The following TENM3 variants were observed in gnomAD, a reference collection of about 807,000 sequenced individuals.
The protein encoded by TENM3 is teneurin transmembrane protein 3.
Under a neutral mutation model 255.1 loss-of-function variants are expected in TENM3, and 63 were observed. The observed-to-expected ratio is 0.25, with a 90% confidence interval of 0.20 to 0.30. TENM3 has a LOEUF of 0.30. Ranked by LOEUF, TENM3 falls within the 10% of genes least tolerant of loss-of-function variation. TENM3 has a pLI of 1.00. For synonymous variants in TENM3, 1,306 were observed against 1,322.3 expected (o/e 0.99, Z 0.27); for missense variants, 2,929 against 3,461.1 (o/e 0.85, Z 3.86).
At chr4:182,356,522 G>A (rs1765542035) in intron 3 of TENM3, among the ~76,000 whole-genome samples, 2 of 151,910 alleles carry the variant, frequency 1.3e-5, no homozygotes, top group Admixed American at 6.6e-5. Context: ...TTGCATAATT[G>A]GAGGACATTT....
chr4:182,153,908 A>G (rs761019008), intron 1 of TENM3, among the ~76,000 whole-genome samples: 14 of 152,302 alleles, frequency 9.2e-5, no homozygotes, highest in Middle Eastern at 3.4e-3. Context: ...AAAAGCCTCT[A>G]TAATTCACTT....
At chr4:182,165,724 T>C (rs1199657611) in intron 1 of TENM3, among the ~76,000 whole-genome samples, 2 of 152,218 alleles carry the variant, frequency 1.3e-5, no homozygotes, top group African/African-American at 4.8e-5. Flanking sequence ...AAATGCACAC[T>C]GAGTGACTCC....
At chr4:181,802,364 A>G in the TENM3 span, among the ~76,000 whole-genome samples, 20 of 152,314 alleles carry the variant, frequency 1.3e-4, no homozygotes, top group African/African-American at 4.6e-4. Flanking sequence ...TTTTCACTCA[A>G]TGGAATCCGC....
chr4:181,909,337 G>A, the TENM3 span, among the ~76,000 whole-genome samples: 1 of 152,086 alleles, frequency 6.6e-6, no homozygotes, highest in Non-Finnish European at 1.5e-5. Flanking sequence ...GGTATTGTGG[G>A]GACTAAATCA....
At chr4:182,711,689 T>G (rs1758756210) in intron 12 of TENM3, 1 of 452,884 alleles carries the variant, frequency 2.2e-6, no homozygotes, top group Non-Finnish European at 2.9e-6. Flanking sequence ...GACTTTTCCA[T>G]GCATATTTTT....
the TENM3 span, among the ~76,000 whole-genome samples, chr4:181,620,807 T>C: frequency 6.6e-6 from 1 of 152,176 alleles, no homozygotes; most frequent in African/African-American, 2.4e-5. Flanking sequence ...GCCTGGGACA[T>C]GTGATTTCTG....
chr4:181,885,900 T>C, the TENM3 span, among the ~76,000 whole-genome samples: 6 of 152,166 alleles, frequency 3.9e-5, no homozygotes, highest in African/African-American at 1.2e-4. Context: ...TAGTTAATCT[T>C]CTGAATATGG....
At chr4:182,551,191 A>C (rs1204579675) in intron 3 of TENM3, among the ~76,000 whole-genome samples, 1 of 148,540 alleles carries the variant, frequency 6.7e-6, no homozygotes, top group East Asian at 2.0e-4. Flanking sequence ...CACTGACTCC[A>C]GCCTGGGCGA....
chr4:181,685,279 A>G, the TENM3 span, among the ~76,000 whole-genome samples: 2 of 152,116 alleles, frequency 1.3e-5, no homozygotes, highest in African/African-American at 2.4e-5. Flanking sequence ...TATCCCATTA[A>G]CTGTACATTT....
At chr4:182,453,959 C>T (rs1773681420) in intron 3 of TENM3, among the ~76,000 whole-genome samples, 1 of 152,140 alleles carries the variant, frequency 6.6e-6, no homozygotes, top group Non-Finnish European at 1.5e-5. Context: ...CCTGGCTGAG[C>T]TCTTAAAAGT....
At chr4:181,515,149 T>C in the TENM3 span, among the ~76,000 whole-genome samples, 2 of 152,240 alleles carry the variant, frequency 1.3e-5, no homozygotes, top group African/African-American at 4.8e-5. Flanking sequence ...CCAGTTCTCT[T>C]ACAACAAAGT....
chr4:181,998,660 C>A, the TENM3 span, among the ~76,000 whole-genome samples: 1 of 152,148 alleles, frequency 6.6e-6, no homozygotes, highest in African/African-American at 2.4e-5. Flanking sequence ...AGACCAATTT[C>A]TCCAAATGAC....
At chr4:181,722,819 A>G in the TENM3 span, among the ~76,000 whole-genome samples, 9 of 152,086 alleles carry the variant, frequency 5.9e-5, no homozygotes, top group Admixed American at 5.9e-4. Flanking sequence ...ATGATTTTTA[A>G]TGGCTGCAGG....
the TENM3 span, among the ~76,000 whole-genome samples, chr4:181,491,096 TA>T: frequency 2.0e-5 from 3 of 151,776 alleles, no homozygotes; most frequent in Admixed American, 6.6e-5. Context: ...TACGAATGCC[TA>T]AAAAAAATCT....
chr4:182,354,362 G>A (rs1454795909), intron 3 of TENM3, among the ~76,000 whole-genome samples: 1 of 152,126 alleles, frequency 6.6e-6, no homozygotes, highest in Non-Finnish European at 1.5e-5. Context: ...AAATCACAGT[G>A]GTAGCAGTAA....
At chr4:181,465,091 C>A in the TENM3 span, among the ~76,000 whole-genome samples, 1 of 151,744 alleles carries the variant, frequency 6.6e-6, no homozygotes, top group Non-Finnish European at 1.5e-5. Flanking sequence ...TAGTTTTAAC[C>A]TTTAAATTTG....
At chr4:182,370,762 G>A (rs1766750266) in intron 3 of TENM3, among the ~76,000 whole-genome samples, 1 of 152,148 alleles carries the variant, frequency 6.6e-6, no homozygotes, top group Non-Finnish European at 1.5e-5. Flanking sequence ...ATATTCATGC[G>A]ATTATCTGCA....
intron 4 of TENM3, among the ~76,000 whole-genome samples, chr4:182,603,760 A>G (rs1581074398): frequency 1.1e-5 from 1 of 90,198 alleles, no homozygotes; most frequent in African/African-American, 3.4e-5. Flanking sequence ...ATCTTTGGCA[A>G]TTATTTATAT....
intron 1 of TENM3, among the ~76,000 whole-genome samples, chr4:182,195,298 T>C (rs1753775577): frequency 6.6e-6 from 1 of 152,080 alleles, no homozygotes; most frequent in Admixed American, 6.5e-5. Context: ...GATCAACCTG[T>C]CTTGAAGTGA....
Sources: allele counts gnomAD v4.1 joint callset (sites outside exome capture counted in the v4.1 genomes callset), GRCh38; gene constraint gnomAD v4.1.1; transcripts MANE v1.5; gene names NCBI Gene and HGNC (gene_info 2026-07-23, HGNC 2026-07-21).